NPAS3: variants seen among roughly 807,000 people sequenced by gnomAD.
NPAS3 encodes the protein neuronal PAS domain protein 3, also known as neuronal PAS domain-containing protein 3.
A neutral mutation model predicts 73.1 loss-of-function variants in NPAS3; 14 were observed. The observed-to-expected ratio is 0.19, with a 90% CI of 0.13 to 0.30. NPAS3 has a LOEUF of 0.30. NPAS3 is among the 10% of genes least tolerant of loss of function. The pLI is 1.00. For synonymous variants in NPAS3, 620 were observed against 541.5 expected (o/e 1.14, Z -2.01); for missense variants, 1,096 against 1,250.0 (o/e 0.88, Z 1.86).
chr14:32,974,590 T>G (rs1360393222), intron 1 of NPAS3, among the ~76,000 whole-genome samples: 6 of 152,170 alleles, frequency 3.9e-5, no homozygotes, highest in Admixed American at 3.9e-4. Context: ...GGTGGGTGAC[T>G]GTTGACATTG....
At chr14:33,019,792 T>C (rs1392113878) in intron 1 of NPAS3, among the ~76,000 whole-genome samples, 3 of 152,228 alleles carry the variant, frequency 2.0e-5, no homozygotes, top group African/African-American at 7.2e-5. Flanking sequence ...AAGGATCAGT[T>C]AGAAGGGACA....
intron 2 of NPAS3, among the ~76,000 whole-genome samples, chr14:33,210,107 CATT>C (rs1351848522): frequency 6.6e-6 from 1 of 152,170 alleles, no homozygotes; most frequent in Non-Finnish European, 1.5e-5. Flanking sequence ...TTTCCATAAT[CATT>C]ATAACCTTCT....
At chr14:33,401,254 G>C (rs2047433080) in intron 4 of NPAS3, among the ~76,000 whole-genome samples, 1 of 152,144 alleles carries the variant, frequency 6.6e-6, no homozygotes, top group Non-Finnish European at 1.5e-5. Flanking sequence ...CCACAGAAGA[G>C]AGTGTAGAAT....
rs185190020 is a variant in NPAS3 at position 33,350,653 on chromosome 14, G to A, written c.386-16533G>A. ...ACAACTACTAGCGGAGGCCTGAAACGGATTCGTGATACCTGACTAATAGAT... is the reference window on the plus strand; with the variant it reads ...ACAACTACTAGCGGAGGCCTGAAACAGATTCGTGATACCTGACTAATAGAT... On this transcript the variant is annotated intron_variant, in intron 3 of 11. Transcript: ENST00000356141. 2.5e-3 allele frequency among the ~76,000 whole-genome samples: 386 copies of A among 152,300 alleles called. 1 individual carries two copies. Among genetic ancestry groups the A allele is most frequent in the Non-Finnish European group, 4.3e-3 (292 of 68,032 alleles).
At chr14:33,078,008 G>A (rs995881920) in intron 2 of NPAS3, among the ~76,000 whole-genome samples, 1 of 151,696 alleles carries the variant, frequency 6.6e-6, no homozygotes, top group African/African-American at 2.4e-5. Flanking sequence ...GCGTGGTGGC[G>A]CATGCCTATA....
intron 3 of NPAS3, among the ~76,000 whole-genome samples, chr14:33,331,232 A>C (rs951864054): frequency 1.3e-5 from 2 of 152,212 alleles, no homozygotes; most frequent in African/African-American, 4.8e-5. Context: ...AATATAATAC[A>C]TGTGCAAGAA....
chr14:33,302,635 A>G (rs1244374297), intron 3 of NPAS3, among the ~76,000 whole-genome samples: 1 of 152,236 alleles, frequency 6.6e-6, no homozygotes, highest in Non-Finnish European at 1.5e-5. Flanking sequence ...TATAAGACCA[A>G]AGTACCCAAA....
chr14:33,294,117 G>C (rs144738193), intron 3 of NPAS3, among the ~76,000 whole-genome samples: 1 of 152,084 alleles, frequency 6.6e-6, no homozygotes, highest in African/African-American at 2.4e-5. Flanking sequence ...TGGGTAGCTG[G>C]GATGGTCTAT....
chr14:33,648,605 T>C (rs1236914203), intron 5 of NPAS3, among the ~76,000 whole-genome samples: 15 of 152,200 alleles, frequency 9.9e-5, no homozygotes, highest in Non-Finnish European at 2.9e-5. Context: ...ATAGTTTGGC[T>C]TACAGGGACA....
At chr14:33,630,068 T>G (rs2140132537) in intron 5 of NPAS3, among the ~76,000 whole-genome samples, 1 of 152,338 alleles carries the variant, frequency 6.6e-6, no homozygotes, top group South Asian at 2.1e-4. Context: ...ATGCCTGGCC[T>G]TTCTTTATTC....
chr14:33,552,680 T>C (rs2055173204), intron 4 of NPAS3, among the ~76,000 whole-genome samples: 1 of 152,132 alleles, frequency 6.6e-6, no homozygotes, highest in African/African-American at 2.4e-5. Context: ...TTGTTTTTTT[T>C]AATGCCAACA....
chr14:33,388,435 A>G (rs1296366835), intron 4 of NPAS3, among the ~76,000 whole-genome samples: 1 of 151,786 alleles, frequency 6.6e-6, no homozygotes, highest in Non-Finnish European at 1.5e-5. Flanking sequence ...CCCCCAGGGA[A>G]ATAGGCACTC....
intron 2 of NPAS3, among the ~76,000 whole-genome samples, chr14:33,085,534 T>G (rs2041995072): frequency 6.6e-6 from 1 of 152,220 alleles, no homozygotes; most frequent in Non-Finnish European, 1.5e-5. Flanking sequence ...CGTAGAATGA[T>G]TCATTCACAG....
chr14:33,286,008 A>T (rs2041860238), intron 3 of NPAS3, among the ~76,000 whole-genome samples: 1 of 152,154 alleles, frequency 6.6e-6, no homozygotes, highest in South Asian at 2.1e-4. Context: ...GTTTTATGGG[A>T]TGTCTTTGTT....
chr14:33,058,669 G>A (rs1295608762), intron 2 of NPAS3, among the ~76,000 whole-genome samples: 1 of 152,108 alleles, frequency 6.6e-6, no homozygotes, highest in Non-Finnish European at 1.5e-5. Flanking sequence ...TTATTGTATT[G>A]CATTTCAGTA....
chr14:33,017,685 C>T (rs535592034), intron 1 of NPAS3, among the ~76,000 whole-genome samples: 9 of 151,988 alleles, frequency 5.9e-5, no homozygotes, highest in Non-Finnish European at 1.2e-4. Context: ...GCTGAGTGAC[C>T]GTGAGCAAAT....
chr14:33,244,731 G>T (rs1202706478), intron 3 of NPAS3, among the ~76,000 whole-genome samples: 2 of 152,008 alleles, frequency 1.3e-5, no homozygotes, highest in African/African-American at 4.8e-5. Flanking sequence ...CTTTACCAGA[G>T]CCTTTAATTA....
chr14:33,292,515 C>A (rs17100548), intron 3 of NPAS3, among the ~76,000 whole-genome samples: 2 of 151,846 alleles, frequency 1.3e-5, no homozygotes, highest in East Asian at 1.9e-4. Context: ...TAGATATACC[C>A]TCAGATATTT....
chr14:33,404,700 A>T (rs755718464), intron 4 of NPAS3, among the ~76,000 whole-genome samples: 5 of 152,198 alleles, frequency 3.3e-5, no homozygotes, highest in Non-Finnish European at 7.4e-5. Context: ...AGATATCTAC[A>T]TTTAACAGTG....
Sources: gnomAD v4.1 joint callset for allele counts (sites outside exome capture counted in the v4.1 genomes callset) on GRCh38, gnomAD v4.1.1 for gene constraint, MANE v1.5 for transcripts, NCBI Gene and HGNC (gene_info 2026-07-23, HGNC 2026-07-21) for gene names.